RAD9B: variants seen among roughly 807,000 people sequenced by gnomAD.
RAD9B encodes RAD9 checkpoint clamp component B, also known as cell cycle checkpoint control protein RAD9B.
Under a neutral mutation model 48.3 loss-of-function variants are expected in RAD9B, and 41 were observed. That is an observed-to-expected ratio of 0.85 (90% CI 0.66 to 1.10). The LOEUF (loss-of-function observed/expected upper bound fraction) is 1.10, where lower values mean the gene tolerates loss of function less well. Ranked by LOEUF, RAD9B falls within the 50% of genes least tolerant of loss-of-function variation. RAD9B has a pLI of 0.00. For missense variants in RAD9B, 444 were observed against 485.1 expected (o/e 0.92, Z 0.80); for synonymous variants, 160 against 157.9 (o/e 1.01, Z -0.10).
Position 110,531,166 on chromosome 12 carries a change from A to G in RAD9B, c.*513A>G. 1.0e-6 allele frequency: 1 copy of G among 989,924 alleles called. No homozygotes were observed. The highest frequency in any genetic ancestry group is 1.2e-6 in the Non-Finnish European group (1 of 829,214). The allele number at this position is 989,924 out of a possible 1,614,324, so 61.3% of individuals were successfully genotyped here. On this transcript the variant is annotated 3_prime_UTR_variant, in exon 11 of 11. Transcript: ENST00000409300. ...CTTTAAGTAGAATAAACCCTGGAAA[A>G]AAGATCAAGAGTAAAAATATATAGT...
rs902014614 is a variant in RAD9B at position 110,531,796 on chromosome 12, C to T, written c.*1143C>T. The T allele has an allele frequency of 1.0e-5, 6 of 595,772 alleles. No homozygotes were observed. Among genetic ancestry groups the T allele is most frequent in the African/African-American group, 9.6e-5 (5 of 52,278 alleles). The allele number at this position is 595,772 out of a possible 1,614,324, so 36.9% of individuals were successfully genotyped here. On this transcript the variant is annotated 3_prime_UTR_variant, in exon 11 of 11. Coordinates refer to ENST00000409300, the MANE Select transcript of RAD9B (RefSeq NM_001286535.2). ...GTTATGTAATGTCTTATGATGTGTG[C>T]CTCTCCCTCCCCCAAACCTGTTTAC...
At chr12:110,508,693 C>A (rs1313247967) in intron 4 of RAD9B, among the ~76,000 whole-genome samples, 1 of 152,170 alleles carries the variant, frequency 6.6e-6, no homozygotes, top group African/African-American at 2.4e-5. Context: ...AACTCCTGGG[C>A]TCAAGCAATT....
intron 9 of RAD9B, among the ~76,000 whole-genome samples, chr12:110,520,633 TTTTTTTTTTTTTTGTTG>T (rs2063754124): frequency 6.8e-6 from 1 of 147,262 alleles, no homozygotes; most frequent in Non-Finnish European, 1.5e-5. Context: ...GCTTTCTTTT[TTTTTTTTTTTTTTGTTG>T]TTTTTTTTTT....
chr12:110,513,729 TA>T (rs1555209241), intron 5 of RAD9B, among the ~76,000 whole-genome samples: 2,069 of 143,072 alleles, frequency 0.014, 31 homozygotes, highest in South Asian at 0.046. Context: ...TTATTATTAT[TA>T]TTATTATTTT....
At chr12:110,520,036 T>C (rs2063727435) in intron 9 of RAD9B, 120 bp downstream of exon 9, 1 of 1,070,958 alleles carries the variant, frequency 9.3e-7, no homozygotes, top group African/African-American at 1.6e-5. Flanking sequence ...TTAACAAATT[T>C]TGACTGAATA....
intron 6 of RAD9B, among the ~76,000 whole-genome samples, chr12:110,517,681 CCTCT>C (rs1300772214): frequency 6.7e-5 from 10 of 150,136 alleles, no homozygotes; most frequent in Admixed American, 2.7e-4. Flanking sequence ...TAAATACATT[CCTCT>C]CTCTCTGAGG....
Position 110,509,263 on chromosome 12 carries a change from C to T in RAD9B, c.388+2570C>T, listed in dbSNP as rs1451190686. On this transcript the variant is annotated intron_variant, in intron 4 of 10. Transcript: ENST00000409300. ...AATTACAGGCATAAGCCACCATGCC[C>T]GGCCCTAATTTTTTATATTGTTTGT... 5.9e-5 allele frequency among the ~76,000 whole-genome samples: 9 copies of T among 151,908 alleles called. 1 individual carries two copies. The highest frequency in any genetic ancestry group is 2.1e-4 in the South Asian group (1 of 4,816).
rs1415715373 is a variant in RAD9B at position 110,530,804 on chromosome 12, A to G, written c.*151A>G. ...TTAAACCACATCATCTTGTACAACA[A>G]CCATATCTAGAAATAGCTGTTTGTC... On this transcript the variant is annotated 3_prime_UTR_variant, in exon 11 of 11. Coordinates refer to ENST00000409300, the MANE Select transcript of RAD9B (RefSeq NM_001286535.2). The G allele has an allele frequency of 1.4e-6, 2 of 1,430,716 alleles. No individual in the cohort carries two copies. The highest frequency in any genetic ancestry group is 1.8e-6 in the Non-Finnish European group (2 of 1,094,198). 88.6% of individuals were successfully genotyped at this position (1,430,716 alleles called of 1,614,324 possible).
At position 110,515,033 on chromosome 12, in the gene RAD9B, T is replaced by C; in HGVS notation, c.489-17T>C. 1.4e-6 allele frequency: 2 copies of C among 1,431,882 alleles called. No homozygotes were observed. Among genetic ancestry groups the C allele is most frequent in the Non-Finnish European group, 1.9e-6 (2 of 1,039,298 alleles). 88.7% of individuals were successfully genotyped at this position (1,431,882 alleles called of 1,614,324 possible). A position where few individuals can be genotyped will look rare whatever the true frequency, so the allele number is the denominator to read the frequency against. On this transcript the variant is annotated splice_polypyrimidine_tract_variant and intron_variant, in intron 5 of 10. Transcript: ENST00000409300. ...TGTTTTTCAAATAATGTTAATACTG[T>C]TCTTTACATTTTATAGATTGCTTGC...
At position 110,522,367 on chromosome 12, in the gene RAD9B, G is replaced by A. The variant is rs2063812386; in HGVS notation, c.1081G>A (p.Val361Ile). 1.9e-6 allele frequency: 3 copies of A among 1,613,210 alleles called. No individual in the cohort carries two copies. The East Asian group carries it at 6.7e-5, about 36-fold the overall frequency. Residue 361 changes from valine (V) to isoleucine (I), a missense_variant, in exon 10 of 11, where the codon GTC becomes ATC. Val to Ile is a conservative substitution (Grantham distance 29). Transcript: ENST00000409300. The stretch of plus-strand genomic sequence containing the variant: ...TGTCAGTGAAGTATCAGAAAGCAGT[G>A]TCAGCAACACAGAGGAAGTGCCAGG... The part of the protein sequence containing the change: ...GDVSEVSESS[V>I]SNTEEVPGSL...
rs528938947 is a variant in RAD9B at position 110,531,893 on chromosome 12, G to C, written c.*1240G>C. 5 of 412,808 alleles carry C rather than the reference G, an allele frequency of 1.2e-5. No homozygotes were observed. In the South Asian group the frequency reaches 1.6e-4, roughly 14 times the overall value. The allele number at this position is 412,808 out of a possible 1,614,324, so 25.6% of individuals were successfully genotyped here. ...TACATCTTTCTGAAACCTTCAAACCGTAAGGAAGTGTTAACTGGCAAGCAG... is the reference window on the plus strand; with the variant it reads ...TACATCTTTCTGAAACCTTCAAACCCTAAGGAAGTGTTAACTGGCAAGCAG... On this transcript the variant is annotated 3_prime_UTR_variant, in exon 11 of 11. Coordinates refer to ENST00000409300, the MANE Select transcript of RAD9B (RefSeq NM_001286535.2).
chr12:110,526,260 A>G (rs2063933531), intron 10 of RAD9B, among the ~76,000 whole-genome samples: 1 of 152,142 alleles, frequency 6.6e-6, no homozygotes, highest in Non-Finnish European at 1.5e-5. Flanking sequence ...TACCCAACTC[A>G]TATTAGACTT....
At chr12:110,511,388 C>A (rs2063454277) in intron 4 of RAD9B, 1 of 403,606 alleles carries the variant, frequency 2.5e-6, no homozygotes, top group East Asian at 7.6e-5. Context: ...CAATGGAATA[C>A]TATTTGGCCA....
chr12:110,509,135 T>G (rs182361086), intron 4 of RAD9B, among the ~76,000 whole-genome samples: 1 of 152,098 alleles, frequency 6.6e-6, no homozygotes, highest in Non-Finnish European at 1.5e-5. Context: ...CGGCTAACTT[T>G]TTTTTTGTAT....
chr12:110,527,681 G>A (rs186117446), intron 10 of RAD9B, among the ~76,000 whole-genome samples: 3 of 152,170 alleles, frequency 2.0e-5, no homozygotes, highest in Non-Finnish European at 2.9e-5. Flanking sequence ...AGACTAGAGC[G>A]GGTATCACGT....
chr12:110,515,219 C>A, intron 6 of RAD9B, 63 bp downstream of exon 6: 1 of 808,596 alleles, frequency 1.2e-6, no homozygotes, highest in Non-Finnish European at 2.0e-6. Context: ...CGATTACTAA[C>A]CATACTGCAA....
At chr12:110,520,837 G>C (rs1287569783) in intron 9 of RAD9B, among the ~76,000 whole-genome samples, 2 of 151,228 alleles carry the variant, frequency 1.3e-5, no homozygotes, top group Admixed American at 6.6e-5. Flanking sequence ...TTTTAGTAGA[G>C]ACGGGGTTTC....
chr12:110,514,087 G>T (rs1042803615), intron 5 of RAD9B, among the ~76,000 whole-genome samples: 2 of 150,588 alleles, frequency 1.3e-5, no homozygotes, highest in Non-Finnish European at 3.0e-5. Flanking sequence ...CTTCCTTTTT[G>T]AATTGCCCAT....
At chr12:110,506,770 A>G (rs1459153450) in intron 4 of RAD9B, 77 bp downstream of exon 4, 1 of 744,198 alleles carries the variant, frequency 1.3e-6, no homozygotes, top group South Asian at 1.5e-5. Context: ...TTGATATTTC[A>G]TGTCAAGATT....
Sources: gnomAD v4.1 joint callset for allele counts (sites outside exome capture counted in the v4.1 genomes callset) on GRCh38, gnomAD v4.1.1 for gene constraint, MANE v1.5 for transcripts, NCBI Gene and HGNC (gene_info 2026-07-23, HGNC 2026-07-21) for gene names.